DIP2C: variants seen among roughly 807,000 people sequenced by gnomAD.
The protein encoded by DIP2C is DIP2 acetate--CoA ligase C (putative), also known as disco-interacting protein 2 homolog C.
A neutral mutation model predicts 192.4 loss-of-function variants in DIP2C; 33 were observed. The ratio of observed to expected loss-of-function variants is 0.17; its 90% confidence interval spans 0.13 to 0.23. DIP2C has a LOEUF of 0.23. Ranked by LOEUF, DIP2C falls within the 10% of genes least tolerant of loss-of-function variation. DIP2C has a pLI of 1.00. For missense variants in DIP2C, 1,537 were observed against 2,110.1 expected, an observed-to-expected ratio of 0.73 and a Z score of 5.32; for synonymous variants, 979 against 864.1, an observed-to-expected ratio of 1.13 and a Z score of -2.33.
At chr10:476,818 A>C (rs1030396620) in intron 2 of DIP2C, among the ~76,000 whole-genome samples, 8 of 152,174 alleles carry the variant, frequency 5.3e-5, no homozygotes, top group African/African-American at 1.7e-4. Flanking sequence ...GAAAACACGG[A>C]AACTGCTAAA....
At chr10:375,106 A>T (rs1961412360) in intron 17 of DIP2C, among the ~76,000 whole-genome samples, 1 of 152,252 alleles carries the variant, frequency 6.6e-6, no homozygotes, top group African/African-American at 2.4e-5. Context: ...AAACAAAATA[A>T]AACTAAAGGA....
At chr10:497,424 A>AT (rs1380710923) in intron 1 of DIP2C, among the ~76,000 whole-genome samples, 2 of 152,176 alleles carry the variant, frequency 1.3e-5, no homozygotes, top group Non-Finnish European at 2.9e-5. Flanking sequence ...CTTCCTGGTC[A>AT]TTCTGCTGTG....
intron 1 of DIP2C, among the ~76,000 whole-genome samples, chr10:604,376 T>TG (rs1332428493): frequency 3.9e-5 from 6 of 152,210 alleles, no homozygotes; most frequent in African/African-American, 1.4e-4. Context: ...GGAAGGCAGT[T>TG]GCTCCCTGAA....
chr10:323,646 G>A (rs984643317), intron 31 of DIP2C, among the ~76,000 whole-genome samples: 1 of 152,202 alleles, frequency 6.6e-6, no homozygotes, highest in Non-Finnish European at 1.5e-5. Context: ...ATGATTAATT[G>A]TGATTATCTC....
chr10:533,497 G>C (rs1847531054), intron 1 of DIP2C, among the ~76,000 whole-genome samples: 1 of 152,108 alleles, frequency 6.6e-6, no homozygotes, highest in East Asian at 1.9e-4. Flanking sequence ...AAATAGGTTA[G>C]ATGGCCTCCT....
intron 24 of DIP2C, among the ~76,000 whole-genome samples, chr10:351,983 C>T (rs758822734): frequency 7.9e-5 from 12 of 152,214 alleles, no homozygotes; most frequent in Admixed American, 2.0e-4. Flanking sequence ...AGCATGGACG[C>T]GTCTCAGAGA....
intron 24 of DIP2C, chr10:356,205 C>T: frequency 3.3e-6 from 2 of 612,534 alleles, no homozygotes; most frequent in South Asian, 3.9e-5. Context: ...AAATAGGTTG[C>T]TAAAATATCT....
At chr10:497,574 G>A (rs920328011) in intron 1 of DIP2C, among the ~76,000 whole-genome samples, 3 of 152,166 alleles carry the variant, frequency 2.0e-5, no homozygotes, top group Admixed American at 6.5e-5. Context: ...TCTTCCAGAC[G>A]CTCATACAAG....
At position 302,259 on chromosome 10, in the gene DIP2C, G is replaced by A. The variant is rs151175649; in HGVS notation, c.3986+7772C>T. 5.0e-3 allele frequency among the ~76,000 whole-genome samples: 754 copies of A among 152,196 alleles called. 5 individuals are homozygous for A. The highest frequency in any genetic ancestry group is 0.017 in the African/African-American group (704 of 41,504). On this transcript the variant is annotated intron_variant, in intron 32 of 36. Coordinates refer to ENST00000280886, the MANE Select transcript of DIP2C (RefSeq NM_014974.3). ...ACCAAGAATCCTCCTAATGACTCTA[G>A]GAGTGGCACTGCTTTTGCCATTTCA... is the stretch of plus-strand genomic sequence containing the variant.
chr10:399,241 G>A (rs1964220843), intron 9 of DIP2C, 22 bp from the exon 10 acceptor site: 2 of 1,607,244 alleles, frequency 1.2e-6, no homozygotes, highest in Non-Finnish European at 1.7e-6. Context: ...GCCAGAGCGG[G>A]TCAGCATTAA....
chr10:650,377 C>T (rs1411943671), intron 1 of DIP2C: 1 of 716,864 alleles, frequency 1.4e-6, no homozygotes, highest in Non-Finnish European at 2.6e-6. Context: ...ATAACGCCAG[C>T]CCACGGCAGC....
At chr10:344,025 A>G (rs1421173935) in intron 28 of DIP2C, among the ~76,000 whole-genome samples, 1 of 152,070 alleles carries the variant, frequency 6.6e-6, no homozygotes, top group Non-Finnish European at 1.5e-5. Context: ...AGGAATTGAC[A>G]CCACTTAAAG....
At chr10:546,942 C>G (rs1325026529) in intron 1 of DIP2C, among the ~76,000 whole-genome samples, 1 of 152,186 alleles carries the variant, frequency 6.6e-6, no homozygotes. Flanking sequence ...TCAATTTGTT[C>G]ATTTTTCAGG....
intron 1 of DIP2C, among the ~76,000 whole-genome samples, chr10:534,577 G>A (rs969515270): frequency 6.6e-6 from 1 of 152,168 alleles, no homozygotes; most frequent in African/African-American, 2.4e-5. Context: ...CGCCAACACA[G>A]GAAACTGAAC....
At chr10:598,074 C>T (rs1335893026) in intron 1 of DIP2C, among the ~76,000 whole-genome samples, 1 of 152,232 alleles carries the variant, frequency 6.6e-6, no homozygotes, top group Non-Finnish European at 1.5e-5. Context: ...GCAGAGTCAG[C>T]ACAAGTCTGC....
chr10:411,405 G>C (rs1053572009), intron 8 of DIP2C, among the ~76,000 whole-genome samples: 3 of 152,176 alleles, frequency 2.0e-5, no homozygotes, highest in Non-Finnish European at 2.9e-5. Context: ...GTGGAAAACA[G>C]AATGATGTTT....
chr10:421,606 G>A (rs778387252), intron 5 of DIP2C, among the ~76,000 whole-genome samples: 10 of 152,170 alleles, frequency 6.6e-5, no homozygotes, highest in Admixed American at 3.3e-4. Context: ...ATAAACCAGT[G>A]TACATGTTCC....
At chr10:543,195 G>A (rs193062721) in intron 1 of DIP2C, among the ~76,000 whole-genome samples, 34 of 152,342 alleles carry the variant, frequency 2.2e-4, no homozygotes, top group African/African-American at 7.9e-4. Context: ...TTCTGCGTTA[G>A]GAATAACCGT....
intron 1 of DIP2C, among the ~76,000 whole-genome samples, chr10:661,867 C>T (rs1218837630): frequency 1.3e-5 from 2 of 152,222 alleles, no homozygotes; most frequent in Non-Finnish European, 2.9e-5. Context: ...CTTGCTTCTC[C>T]TCCTGATTTC....
Sources: gnomAD v4.1 joint callset for allele counts (sites outside exome capture counted in the v4.1 genomes callset) on GRCh38, gnomAD v4.1.1 for gene constraint, MANE v1.5 for transcripts, NCBI Gene and HGNC (gene_info 2026-07-23, HGNC 2026-07-21) for gene names.